The following BICRAL variants were observed in gnomAD, a reference collection of about 807,000 sequenced individuals.
The protein encoded by BICRAL is BICRA like chromatin remodeling complex associated protein.
Under a neutral mutation model 91.8 loss-of-function variants are expected in BICRAL, and 8 were observed. That is an observed-to-expected ratio of 0.09 (90% CI 0.05 to 0.16). BICRAL has a LOEUF of 0.16. Ranked by LOEUF, BICRAL falls within the 10% of genes least tolerant of loss-of-function variation. BICRAL has a pLI of 1.00. For missense variants in BICRAL, 1,038 were observed against 1,310.9 expected (o/e 0.79, Z 3.21); for synonymous variants, 445 against 491.1 (o/e 0.91, Z 1.24).
At chr6:42,845,195 G>GTTTT (rs748804344) in intron 6 of BICRAL, among the ~76,000 whole-genome samples, 14 of 25,608 alleles carry the variant, frequency 5.5e-4, no homozygotes, top group East Asian at 1.2e-3. Flanking sequence ...TTTTTTGGGT[G>GTTTT]TTTTTTTTTT....
intron 1 of BICRAL, among the ~76,000 whole-genome samples, chr6:42,758,385 C>T (rs1490275746): frequency 6.6e-6 from 1 of 152,166 alleles, no homozygotes; most frequent in African/African-American, 2.4e-5. Context: ...ACCTCACCAG[C>T]CTCATGTCCC....
At chr6:42,799,039 T>C (rs1763493819) in intron 1 of BICRAL, among the ~76,000 whole-genome samples, 2 of 152,182 alleles carry the variant, frequency 1.3e-5, no homozygotes, top group South Asian at 4.1e-4. Context: ...TATGGAGGGC[T>C]GACTATATTA....
At chr6:42,822,756 T>G in intron 3 of BICRAL, 40 bp from the exon 4 acceptor site, 1 of 1,151,124 alleles carries the variant, frequency 8.7e-7, no homozygotes, top group South Asian at 1.3e-5. Flanking sequence ...GATAGTATAT[T>G]TGTTTGTTGT....
chr6:42,864,891 A>G lies in BICRAL; in HGVS notation c.2685A>G (p.Lys895=). The G allele has an allele frequency of 6.2e-7, 1 of 1,614,192 alleles. No individual in the cohort carries two copies. Among genetic ancestry groups the G allele is most frequent in the Non-Finnish European group, 8.5e-7 (1 of 1,180,036 alleles). The change falls in exon 13 of 13, where the codon AAA becomes AAG. Residue 895 remains lysine, a synonymous_variant. Coordinates refer to ENST00000314073, the MANE Select transcript of BICRAL (RefSeq NM_001393499.1). The part of the protein sequence containing the change: ...IVVSAEGNIS[K]KTECLGRALK... ...TCTCTGCAGAAGGAAACATTTCTAA[A>G]AAAACAGAATGCCTTGGCAGAGCAC... is the stretch of plus-strand genomic sequence containing the variant.
intron 6 of BICRAL, among the ~76,000 whole-genome samples, chr6:42,831,641 C>A (rs1764482757): frequency 6.6e-6 from 1 of 152,144 alleles, no homozygotes; most frequent in Admixed American, 6.6e-5. Context: ...CATGCCATAC[C>A]CTACTTTCGA....
At chr6:42,791,606 C>G (rs997023705) in intron 1 of BICRAL, among the ~76,000 whole-genome samples, 1 of 151,976 alleles carries the variant, frequency 6.6e-6, no homozygotes, top group East Asian at 1.9e-4. Flanking sequence ...TGTTTGAGAC[C>G]CTGATGGGTT....
Position 42,849,947 on chromosome 6 carries a change from G to A in BICRAL, c.1840-2145G>A, listed in dbSNP as rs190673507. ...ACCTACTTGGGAGGCTGAAGCAAGAGAATCGCTTGAACCTGGGAGGCAGAG... is the reference window on the plus strand; with the variant it reads ...ACCTACTTGGGAGGCTGAAGCAAGAAAATCGCTTGAACCTGGGAGGCAGAG... On this transcript the variant is annotated intron_variant, in intron 6 of 12. Transcript: ENST00000314073. Among the ~76,000 whole-genome samples the A allele has an allele frequency of 1.2e-4, 19 of 152,162 alleles. No individual in the cohort carries two copies. In the East Asian group the frequency reaches 3.5e-3, roughly 28 times the overall value.
At chr6:42,764,528 A>T (rs576036317) in intron 1 of BICRAL, among the ~76,000 whole-genome samples, 110 of 150,404 alleles carry the variant, frequency 7.3e-4, no homozygotes, top group East Asian at 9.7e-4. Flanking sequence ...GCAGAGTAAG[A>T]CTCTGTCTTA....
At chr6:42,816,338 AC>A (rs1372045739) in intron 2 of BICRAL, among the ~76,000 whole-genome samples, 4 of 151,096 alleles carry the variant, frequency 2.6e-5, no homozygotes, top group African/African-American at 9.7e-5. Context: ...ACATAATGAA[AC>A]CCTGTCTCTT....
At chr6:42,785,390 C>A (rs1306212990) in intron 1 of BICRAL, among the ~76,000 whole-genome samples, 1 of 150,928 alleles carries the variant, frequency 6.6e-6, no homozygotes, top group South Asian at 2.1e-4. Flanking sequence ...GAAACCCCGT[C>A]TGTACTAAAA....
chr6:42,798,723 T>C (rs1413737234), intron 1 of BICRAL, among the ~76,000 whole-genome samples: 4 of 152,182 alleles, frequency 2.6e-5, no homozygotes, highest in Non-Finnish European at 5.9e-5. Context: ...TGTGTAGTGT[T>C]TGCATATAAC....
intron 1 of BICRAL, among the ~76,000 whole-genome samples, chr6:42,754,510 A>C (rs1435775780): frequency 6.6e-6 from 1 of 152,216 alleles, no homozygotes; most frequent in African/African-American, 2.4e-5. Flanking sequence ...CAGATGTGTC[A>C]TAATTGAAAC....
intron 1 of BICRAL, among the ~76,000 whole-genome samples, chr6:42,802,625 T>G (rs1763610592): frequency 6.6e-6 from 1 of 152,166 alleles, no homozygotes; most frequent in East Asian, 1.9e-4. Flanking sequence ...ATTTTTTGTA[T>G]TTTTAGTAGA....
intron 1 of BICRAL, among the ~76,000 whole-genome samples, chr6:42,791,275 G>A (rs1763265639): frequency 2.0e-5 from 3 of 152,048 alleles, no homozygotes; most frequent in South Asian, 2.1e-4. Flanking sequence ...ATAAAGTTAC[G>A]ATTTGTTTAC....
intron 10 of BICRAL, among the ~76,000 whole-genome samples, chr6:42,858,405 A>T (rs1414797805): frequency 6.6e-6 from 1 of 150,618 alleles, no homozygotes; most frequent in African/African-American, 2.4e-5. Context: ...AGTCCCAGCT[A>T]CTTGGGAGGC....
At chr6:42,820,107 A>G (rs959695271) in intron 2 of BICRAL, among the ~76,000 whole-genome samples, 9 of 152,172 alleles carry the variant, frequency 5.9e-5, no homozygotes, top group Admixed American at 5.2e-4. Flanking sequence ...TAACACCTCA[A>G]TGGAGTGACT....
intron 1 of BICRAL, among the ~76,000 whole-genome samples, chr6:42,784,055 C>T (rs1468089981): frequency 1.3e-5 from 2 of 152,182 alleles, no homozygotes; most frequent in Admixed American, 6.5e-5. Context: ...CTTAGTTTTA[C>T]TCTAAAACAA....
At position 42,809,376 on chromosome 6, in the gene BICRAL, T is replaced by C. The variant is rs192805983; in HGVS notation, c.-101-930T>C. On this transcript the variant is annotated intron_variant, in intron 1 of 12. Transcript: ENST00000314073. ...CCTTCAAATTCTTCATTTCATGAGATGAACGAGGGTCGTTTATTGCCTATG... is the reference window on the plus strand; with the variant it reads ...CCTTCAAATTCTTCATTTCATGAGACGAACGAGGGTCGTTTATTGCCTATG... 1.5e-4 allele frequency among the ~76,000 whole-genome samples: 23 copies of C among 151,994 alleles called. No individual in the cohort carries two copies. In the East Asian group the frequency reaches 4.4e-3, roughly 29 times the overall value.
chr6:42,864,650 C>A lies in BICRAL; in HGVS notation c.2453-9C>A. 1.2e-6 allele frequency: 2 copies of A among 1,608,016 alleles called. No homozygotes were observed. The highest frequency in any genetic ancestry group is 1.7e-6 in the Non-Finnish European group (2 of 1,176,512). On this transcript the variant is annotated splice_polypyrimidine_tract_variant and intron_variant, in intron 12 of 12. Coordinates refer to ENST00000314073, the MANE Select transcript of BICRAL (RefSeq NM_001393499.1). ...CACTCACTAATGTTCTTTTTGTTCC[C>A]ATTTCCAGAGGGTTTTCAGGCTGAT... is the stretch of plus-strand genomic sequence containing the variant.
Sources: allele counts gnomAD v4.1 joint callset (sites outside exome capture counted in the v4.1 genomes callset), GRCh38; gene constraint gnomAD v4.1.1; transcripts MANE v1.5; gene names NCBI Gene and HGNC (gene_info 2026-07-23, HGNC 2026-07-21).